The following SUSD4 variants were observed in gnomAD, a reference collection of about 807,000 sequenced individuals.
SUSD4 encodes sushi domain containing 4.
Under a neutral mutation model 50.5 loss-of-function variants are expected in SUSD4, and 41 were observed. That is an observed-to-expected ratio of 0.81 (90% CI 0.63 to 1.05). The LOEUF is 1.05. SUSD4 is among the 50% of genes least tolerant of loss of function. The pLI, the probability that SUSD4 is intolerant of heterozygous loss-of-function variation, is 0.00. For missense variants in SUSD4, 580 were observed against 634.7 expected (o/e 0.91, Z 0.93); for synonymous variants, 257 against 257.3 (o/e 1.00, Z 0.01).
intron 3 of SUSD4, among the ~76,000 whole-genome samples, chr1:223,286,955 T>C (rs1664184137): frequency 6.6e-6 from 1 of 152,214 alleles, no homozygotes; most frequent in Admixed American, 6.5e-5. Flanking sequence ...TTCACTCTTC[T>C]GGGTGATGTA....
chr1:223,249,271 C>G (rs1436200880), intron 5 of SUSD4, among the ~76,000 whole-genome samples: 1 of 152,036 alleles, frequency 6.6e-6, no homozygotes, highest in African/African-American at 2.4e-5. Flanking sequence ...TGTGTCCCAC[C>G]ATGTAACCCA....
At chr1:223,357,831 T>C (rs1289718938) in intron 2 of SUSD4, among the ~76,000 whole-genome samples, 2 of 152,234 alleles carry the variant, frequency 1.3e-5, no homozygotes, top group African/African-American at 4.8e-5. Flanking sequence ...CCATCAGTCC[T>C]AGATACTGTG....
chr1:223,352,738 G>A (rs1354642204), intron 2 of SUSD4, among the ~76,000 whole-genome samples: 1 of 152,162 alleles, frequency 6.6e-6, no homozygotes, highest in Non-Finnish European at 1.5e-5. Flanking sequence ...CAGGCAGCTG[G>A]AGGTGAGAGG....
Position 223,223,781 on chromosome 1 carries a change from T to G in SUSD4, c.1062-150A>C. 3 of 997,410 alleles carry G rather than the reference T, an allele frequency of 3.0e-6. No individual in the cohort carries two copies. In the East Asian group the frequency reaches 8.3e-5, roughly 28 times the overall value. 61.8% of individuals were successfully genotyped at this position (997,410 alleles called of 1,614,324 possible). A position where few individuals can be genotyped will look rare whatever the true frequency, so the allele number is the denominator to read the frequency against. ...GATAATATGGAAGAACCAGCCTCCT[T>G]TCAGGGACTCCTCTGGAAGATGATG... is the stretch of plus-strand genomic sequence containing the variant. On this transcript the variant is annotated intron_variant, in intron 7 of 8. Coordinates refer to ENST00000366878, the MANE Select transcript of SUSD4 (RefSeq NM_017982.4).
chr1:223,301,643 A>T (rs1665204164), intron 2 of SUSD4, among the ~76,000 whole-genome samples: 1 of 152,200 alleles, frequency 6.6e-6, no homozygotes, highest in Admixed American at 6.5e-5. Flanking sequence ...AATGCAGGTA[A>T]ACCACCCAAC....
chr1:223,363,578 C>T (rs1483984241), intron 1 of SUSD4, 118 bp from the exon 2 acceptor site: 2 of 1,228,966 alleles, frequency 1.6e-6, no homozygotes, highest in East Asian at 5.5e-5. Context: ...CCTGGTTCCT[C>T]CCCCGCGCGG....
At position 223,221,309 on chromosome 1, in the gene SUSD4, A is replaced by C; in HGVS notation, c.*883T>G. 2 of 392,088 alleles carry C rather than the reference A, an allele frequency of 5.1e-6. No individual in the cohort carries two copies. Among genetic ancestry groups the C allele is most frequent in the Admixed American group, 4.4e-5 (1 of 22,558 alleles). The allele number at this position is 392,088 out of a possible 1,614,324, so 24.3% of individuals were successfully genotyped here. A position where few individuals can be genotyped will look rare whatever the true frequency, so the allele number is the denominator to read the frequency against. On this transcript the variant is annotated 3_prime_UTR_variant, in exon 9 of 9. Transcript: ENST00000366878. Reference sequence around the variant, plus strand: ...ACAATTGTCAACTAGAGAGAGGCTCATGATTCTGAGATAAATGTTAAGTGG... The same window carrying C: ...ACAATTGTCAACTAGAGAGAGGCTCCTGATTCTGAGATAAATGTTAAGTGG...
Position 223,229,284 on chromosome 1 carries a change from C to T in SUSD4, c.829G>A (p.Gly277Ser), listed in dbSNP as rs571640741. Residue 277 changes from glycine (G) to serine (S), a missense_variant, in exon 6 of 9, where the codon GGC becomes AGC. By Grantham distance (56) the Gly-to-Ser change is moderately conservative. Transcript: ENST00000366878. This position sits in a 1 kb window ranked among gnomAD's most constrained non-coding sequence, Gnocchi z 4.7. ...TTGTAGTCGCTGGTGAGGCTGTAGC[C>T]AGGATCGCAGTAAAACTCCACCACA... ...GTVVEFYCDP[G>S]YSLTSDYKYI... 1.2e-6 allele frequency: 2 copies of T among 1,613,378 alleles called. No individual in the cohort carries two copies. Among genetic ancestry groups the T allele is most frequent in the Admixed American group, 1.7e-5 (1 of 60,004 alleles).
intron 2 of SUSD4, among the ~76,000 whole-genome samples, chr1:223,307,196 A>G (rs560574433): frequency 1.3e-5 from 2 of 152,332 alleles, no homozygotes; most frequent in African/African-American, 4.8e-5. Flanking sequence ...AAGCACAAGC[A>G]CTTAGACTGA....
chr1:223,237,968 C>G (rs1037005913), intron 5 of SUSD4, among the ~76,000 whole-genome samples: 15 of 151,950 alleles, frequency 9.9e-5, no homozygotes, highest in Non-Finnish European at 2.1e-4. Context: ...GCAAATACAT[C>G]TGGGCCTAGT....
At chr1:223,233,973 C>G (rs778275355) in intron 5 of SUSD4, among the ~76,000 whole-genome samples, 1 of 152,166 alleles carries the variant, frequency 6.6e-6, no homozygotes, top group Non-Finnish European at 1.5e-5. Flanking sequence ...TTCCTGTCCC[C>G]GAGGTGTGAA....
At chr1:223,314,370 A>C (rs1262425153) in intron 2 of SUSD4, among the ~76,000 whole-genome samples, 4 of 152,182 alleles carry the variant, frequency 2.6e-5, no homozygotes, top group Non-Finnish European at 5.9e-5. Flanking sequence ...GCTGAAAGTT[A>C]CATAGATCTA....
intron 2 of SUSD4, among the ~76,000 whole-genome samples, chr1:223,324,520 A>G (rs1666762408): frequency 6.6e-6 from 1 of 151,990 alleles, no homozygotes; most frequent in African/African-American, 2.4e-5. Context: ...AGCTCATAAT[A>G]ATATTAATTT....
intron 2 of SUSD4, among the ~76,000 whole-genome samples, chr1:223,336,944 A>T (rs1306030014): frequency 6.6e-6 from 1 of 152,154 alleles, no homozygotes; most frequent in Non-Finnish European, 1.5e-5. Context: ...GAACCTGGTG[A>T]GAGCTGGCCA....
chr1:223,256,712 G>A (rs1661718975), intron 5 of SUSD4, among the ~76,000 whole-genome samples: 1 of 152,212 alleles, frequency 6.6e-6, no homozygotes, highest in Admixed American at 6.5e-5. Flanking sequence ...TGACCACCAG[G>A]AAGGAGCCTC....
chr1:223,355,622 T>C (rs1264106967), intron 2 of SUSD4, among the ~76,000 whole-genome samples: 4 of 152,224 alleles, frequency 2.6e-5, no homozygotes, highest in Admixed American at 6.5e-5. Flanking sequence ...TAAGGTCTTT[T>C]TATATTTTGT....
In SUSD4 at chr1:223,290,080, T is replaced by C. The variant is rs967944008; in HGVS notation, c.361+2359A>G. ...AGCACTTTTAAACTTTAATGACCTA[T>C]AACAATGTGATAAATTATTATTGTT... On this transcript the variant is annotated intron_variant, in intron 3 of 8. Coordinates refer to ENST00000366878, the MANE Select transcript of SUSD4 (RefSeq NM_017982.4). Among the ~76,000 whole-genome samples the C allele has an allele frequency of 5.3e-5, 8 of 152,338 alleles. 1 individual carries two copies. In the Middle Eastern group the frequency reaches 0.01, roughly 194 times the overall value.
At position 223,279,726 on chromosome 1, in the gene SUSD4, A is replaced by T. The variant is rs532834155; in HGVS notation, c.362-11051T>A. On this transcript the variant is annotated intron_variant, in intron 3 of 8. Coordinates refer to ENST00000366878, the MANE Select transcript of SUSD4 (RefSeq NM_017982.4). ...AGGCAGGCCAACATTCAAATTCAGG[A>T]AATACAGAGAATGCCACAAAGATAC... 9.3e-4 allele frequency among the ~76,000 whole-genome samples: 142 copies of T among 152,314 alleles called. 1 individual carries two copies. Among genetic ancestry groups the T allele is most frequent in the African/African-American group, 3.2e-3 (133 of 41,572 alleles).
At chr1:223,354,544 T>C (rs922631730) in intron 2 of SUSD4, among the ~76,000 whole-genome samples, 1 of 152,146 alleles carries the variant, frequency 6.6e-6, no homozygotes, top group Non-Finnish European at 1.5e-5. Flanking sequence ...TTTGTGTAAG[T>C]ATAATTAAAA....
Sources: gnomAD v4.1 joint callset for allele counts (sites outside exome capture counted in the v4.1 genomes callset) on GRCh38, gnomAD v4.1.1 for gene constraint, Gnocchi (gnomAD v3.1) non-coding constraint, MANE v1.5 for transcripts, NCBI Gene and HGNC (gene_info 2026-07-23, HGNC 2026-07-21) for gene names.